The following CPB1 variants were observed in gnomAD, a reference collection of about 807,000 sequenced individuals.
CPB1 encodes the protein carboxypeptidase B.
In CPB1, 53 loss-of-function variants were observed where a neutral mutation model predicts 51.4. The ratio of observed to expected loss-of-function variants is 1.03; its 90% CI spans 0.83 to 1.30. The LOEUF (loss-of-function observed/expected upper bound fraction) is 1.30. CPB1 is among the 50% of genes most tolerant of loss of function. CPB1 has a pLI of 0.00. For synonymous variants in CPB1, 189 were observed against 186.9 expected (o/e 1.01, Z -0.09); for missense variants, 494 against 516.2 (o/e 0.96, Z 0.42).
intron 10 of CPB1, among the ~76,000 whole-genome samples, chr3:148,858,206 T>A (rs567474126): frequency 2.6e-4 from 39 of 152,216 alleles, no homozygotes; most frequent in African/African-American, 9.4e-4. Context: ...CCCCACAGTA[T>A]CAGAATTAAC....
chr3:148,828,003 G>A lies in CPB1; in HGVS notation c.73G>A (p.Glu25Lys), dbSNP rs150860615. 46 of 1,613,832 alleles carry A rather than the reference G, an allele frequency of 2.9e-5. No homozygotes were observed. The highest frequency in any genetic ancestry group is 1.8e-4 in the South Asian group (16 of 91,060). Reference protein sequence around the residue: ...AHHGGEHFEGEKVFRVNVEDE... With the variant: ...AHHGGEHFEGKKVFRVNVEDE... Reference sequence around the variant, plus strand: ...TGCTTCTATTATCTCATTATTCAGCGAGAAGGTGTTCCGTGTTAACGTTGA... The same window carrying A: ...TGCTTCTATTATCTCATTATTCAGCAAGAAGGTGTTCCGTGTTAACGTTGA... The change falls in exon 2 of 11, where the codon GAG becomes AAG. Residue 25 changes from glutamate to lysine, a missense_variant and splice_region_variant. By Grantham distance (56) the Glu-to-Lys change is moderately conservative. Coordinates refer to ENST00000282957, the MANE Select transcript of CPB1 (RefSeq NM_001871.3).
At chr3:148,839,651 G>A (rs1713018931) in intron 3 of CPB1, among the ~76,000 whole-genome samples, 1 of 152,148 alleles carries the variant, frequency 6.6e-6, no homozygotes, top group Admixed American at 6.5e-5. Flanking sequence ...TTCACCAATT[G>A]AAGGAGTGAC....
At chr3:148,857,246 G>C in intron 9 of CPB1, 3 of 456,280 alleles carry the variant, frequency 6.6e-6, no homozygotes, top group South Asian at 2.6e-5. Flanking sequence ...TGAATGCTTG[G>C]GGAGGGTATT....
chr3:148,829,810 A>G (rs1029942746), intron 2 of CPB1, among the ~76,000 whole-genome samples: 22 of 152,274 alleles, frequency 1.4e-4, no homozygotes, highest in Middle Eastern at 3.4e-3. Context: ...TGAATCTCCA[A>G]TGTGCCAGAC....
chr3:148,839,362 A>T (rs1389930395), intron 3 of CPB1, among the ~76,000 whole-genome samples: 3 of 152,194 alleles, frequency 2.0e-5, no homozygotes, highest in Non-Finnish European at 4.4e-5. Flanking sequence ...GCTAACCTAC[A>T]GAACTATAAA....
At chr3:148,829,603 T>C (rs1329246160) in intron 2 of CPB1, among the ~76,000 whole-genome samples, 1 of 152,228 alleles carries the variant, frequency 6.6e-6, no homozygotes, top group African/African-American at 2.4e-5. Context: ...GTTTTCAGCA[T>C]GTTGAGATCT....
At chr3:148,836,647 C>T (rs1576568051) in intron 3 of CPB1, among the ~76,000 whole-genome samples, 4 of 152,172 alleles carry the variant, frequency 2.6e-5, no homozygotes, top group South Asian at 2.1e-4. Context: ...TAGGACATCC[C>T]CTGAGGGCTA....
intron 3 of CPB1, among the ~76,000 whole-genome samples, chr3:148,837,338 CA>C (rs1712934835): frequency 6.6e-6 from 1 of 152,094 alleles, no homozygotes; most frequent in South Asian, 2.1e-4. Context: ...ACAGTGGGCG[CA>C]AAGTCCAGGT....
At chr3:148,846,540 T>C (rs891874992) in intron 9 of CPB1, among the ~76,000 whole-genome samples, 3 of 151,286 alleles carry the variant, frequency 2.0e-5, no homozygotes, top group Admixed American at 2.0e-4. Flanking sequence ...AAACTGAAAA[T>C]TGTTGTTTTA....
chr3:148,859,958 G>T lies in CPB1; in HGVS notation c.1210G>T (p.Ala404Ser). 5 of 1,614,104 alleles carry T rather than the reference G, an allele frequency of 3.1e-6. No homozygotes were observed. Among genetic ancestry groups the T allele is most frequent in the Non-Finnish European group, 4.2e-6 (5 of 1,179,978 alleles). The change falls in exon 11 of 11, where the codon GCA becomes TCA. Residue 404 changes from alanine to serine, a missense_variant. By Grantham distance (99) the Ala-to-Ser change is moderately conservative. Transcript: ENST00000282957. Reference sequence around the variant, plus strand: ...GGCTACCTGCGAGGAGACCTTCCTGGCAATCAAGTATGTTGCCAGCTACGT... The same window carrying T: ...GGCTACCTGCGAGGAGACCTTCCTGTCAATCAAGTATGTTGCCAGCTACGT... ...IRATCEETFL[A>S]IKYVASYVLE...
At position 148,829,508 on chromosome 3, in the gene CPB1, C is replaced by G. The variant is rs569556196; in HGVS notation, c.147+1431C>G. 3.3e-5 allele frequency among the ~76,000 whole-genome samples: 5 copies of G among 152,120 alleles called. No individual in the cohort carries two copies. In the East Asian group the frequency reaches 9.7e-4, roughly 29 times the overall value. On this transcript the variant is annotated intron_variant, in intron 2 of 10. Transcript: ENST00000282957. ...ATGAATCACCCTCAAACAGGATGTC[C>G]CTCCTTTTGTGCTTACCTAATTGAC... is the stretch of plus-strand genomic sequence containing the variant.
At chr3:148,831,013 C>T (rs533806392) in intron 2 of CPB1, among the ~76,000 whole-genome samples, 13 of 152,280 alleles carry the variant, frequency 8.5e-5, no homozygotes, top group Admixed American at 2.6e-4. Context: ...CATCCTTGGC[C>T]ATGTGTCCTT....
rs1713265600 is a variant in CPB1 at position 148,846,831 on chromosome 3, A to ATATATATG, written c.981+1212_981+1213insGTATATAT. On this transcript the variant is annotated intron_variant, in intron 9 of 10. Coordinates refer to ENST00000282957, the MANE Select transcript of CPB1 (RefSeq NM_001871.3). ...TATATATATATATATATATATATATATATATATATATGTTAGCACCGCCAA... is the reference window on the plus strand; with the variant it reads ...TATATATATATATATATATATATATATATATATGTATATATATATGTTAGCACCGCCAA... 2.6e-5 allele frequency among the ~76,000 whole-genome samples: 3 copies of ATATATATG among 116,830 alleles called. 1 individual carries two copies. The East Asian group carries it at 7.4e-4, about 29-fold the overall frequency. The allele number at this position is 116,830 out of a possible 152,430, so 76.6% of individuals were successfully genotyped here. A position where few individuals can be genotyped will look rare whatever the true frequency, so the allele number is the denominator to read the frequency against.
Position 148,840,986 on chromosome 3 carries a change from T to C in CPB1, c.474+11T>C, listed in dbSNP as rs750420366. 1.9e-6 allele frequency: 3 copies of C among 1,609,218 alleles called. No individual in the cohort carries two copies. In the African/African-American group the frequency reaches 4.0e-5, roughly 22 times the overall value. ...ATTTACCTCCTGAAGGTAATCATTT[T>C]TAACCATGACCTTGCCATGTCTGAG... On this transcript the variant is annotated intron_variant, in intron 5 of 10. Transcript: ENST00000282957.
chr3:148,846,490 G>A (rs1253996507), intron 9 of CPB1, among the ~76,000 whole-genome samples: 1 of 151,504 alleles, frequency 6.6e-6, no homozygotes, highest in Non-Finnish European at 1.5e-5. Flanking sequence ...TGGATATTTG[G>A]CTTACCTAAA....
At chr3:148,838,074 C>G (rs1299744031) in intron 3 of CPB1, 1 of 152,258 alleles carries the variant, frequency 6.6e-6, no homozygotes, top group Non-Finnish European at 1.5e-5. Context: ...CGGTCAAACC[C>G]CGTCTCTACT....
chr3:148,844,093 G>T (rs1713163341), intron 6 of CPB1, among the ~76,000 whole-genome samples: 1 of 152,080 alleles, frequency 6.6e-6, no homozygotes. Flanking sequence ...TTACTTACTA[G>T]AACTAGTAAG....
At chr3:148,855,641 C>T (rs1254721214) in intron 9 of CPB1, 1 of 152,166 alleles carries the variant, frequency 6.6e-6, no homozygotes, top group East Asian at 1.9e-4. Context: ...ATGACAATGA[C>T]TATTAAATCT....
At chr3:148,847,434 T>A (rs1441106409) in intron 9 of CPB1, among the ~76,000 whole-genome samples, 1 of 149,878 alleles carries the variant, frequency 6.7e-6, no homozygotes, top group East Asian at 2.0e-4. Flanking sequence ...TATGAATAAT[T>A]TTTGCTACTT....
Sources: gnomAD v4.1 joint callset for allele counts (sites outside exome capture counted in the v4.1 genomes callset) on GRCh38, gnomAD v4.1.1 for gene constraint, MANE v1.5 for transcripts, NCBI Gene and HGNC (gene_info 2026-07-23, HGNC 2026-07-21) for gene names.